Variants in RPTOR observed in about 807,000 individuals in gnomAD.
RPTOR encodes the protein regulatory associated protein of MTOR complex 1.
RPTOR carries 21 observed loss-of-function variants against 169.9 expected under a neutral mutation model. The observed-to-expected ratio is 0.12, with a 90% CI of 0.09 to 0.18. The LOEUF is 0.18. RPTOR is among the 10% of genes least tolerant of loss of function. The pLI is 1.00. For missense variants in RPTOR, 1,133 were observed against 1,855.9 expected (o/e 0.61, Z 7.16); for synonymous variants, 732 against 753.2 (o/e 0.97, Z 0.46).
intron 7 of RPTOR, among the ~76,000 whole-genome samples, chr17:80,808,913 G>T (rs567882617): frequency 4.2e-4 from 64 of 152,300 alleles, no homozygotes; most frequent in African/African-American, 1.4e-3. Context: ...TGTTTCACCT[G>T]TTGATGCGCG....
chr17:80,922,585 T>C (rs951759392), intron 21 of RPTOR, 139 bp from the exon 22 acceptor site: 9 of 706,008 alleles, frequency 1.3e-5, no homozygotes, highest in African/African-American at 1.3e-4. Flanking sequence ...GCTGGGGCCT[T>C]CCATTGGTGT....
Position 80,601,559 on chromosome 17 carries a change from T to TC in RPTOR, c.163-24132_163-24131insC, listed in dbSNP as rs1175399250. ...TGTTGGTGAAGATGGTTCAGTCTTT[T>TC]TTTTTTTTTTTTTAAATTTATTTTT... On this transcript the variant is annotated intron_variant, in intron 1 of 33. Transcript: ENST00000306801. Among the ~76,000 whole-genome samples, 273 of 55,592 alleles carry TC rather than the reference T, an allele frequency of 4.9e-3. 5 individuals carry two copies. The highest frequency in any genetic ancestry group is 7.2e-3 in the African/African-American group (75 of 10,440). The allele number at this position is 55,592 out of a possible 152,430, so 36.5% of individuals were successfully genotyped here. A position where few individuals can be genotyped will look rare whatever the true frequency, so the allele number is the denominator to read the frequency against.
At chr17:80,962,071 C>T (rs555572219) in intron 31 of RPTOR, among the ~76,000 whole-genome samples, 1 of 152,342 alleles carries the variant, frequency 6.6e-6, no homozygotes, top group South Asian at 2.1e-4. Flanking sequence ...CTCTCTCGGG[C>T]CACAGCCTGC....
At chr17:80,694,313 C>T (rs1018601184) in intron 3 of RPTOR, among the ~76,000 whole-genome samples, 14 of 152,150 alleles carry the variant, frequency 9.2e-5, no homozygotes, top group Non-Finnish European at 7.3e-5. Flanking sequence ...GCATGGCCCT[C>T]GCAGATGGCT....
intron 6 of RPTOR, among the ~76,000 whole-genome samples, chr17:80,782,039 T>C (rs1164210292): frequency 6.6e-6 from 1 of 152,256 alleles, no homozygotes; most frequent in Admixed American, 6.5e-5. Flanking sequence ...TTAAATGATC[T>C]GCGCGAGGCG....
At chr17:80,883,346 A>T in intron 14 of RPTOR, 73 bp from the exon 15 acceptor site, 1 of 1,329,670 alleles carries the variant, frequency 7.5e-7, no homozygotes, top group Non-Finnish European at 1.1e-6. Flanking sequence ...TTCCGAAAGG[A>T]TCACGCTGTT....
chr17:80,592,356 C>A (rs2065113793), intron 1 of RPTOR, among the ~76,000 whole-genome samples: 2 of 152,074 alleles, frequency 1.3e-5, no homozygotes, highest in South Asian at 4.1e-4. Flanking sequence ...ATTTAAGAGA[C>A]TAGAGTAAGG....
At chr17:80,667,588 TG>T (rs1222976073) in intron 3 of RPTOR, among the ~76,000 whole-genome samples, 2 of 152,236 alleles carry the variant, frequency 1.3e-5, no homozygotes, top group African/African-American at 4.8e-5. Context: ...AAGATGTCAG[TG>T]GAAGTCATAG....
intron 1 of RPTOR, among the ~76,000 whole-genome samples, chr17:80,576,398 C>T (rs2064963818): frequency 6.6e-6 from 1 of 152,116 alleles, no homozygotes. Flanking sequence ...TCCGTCATGA[C>T]CTTTATTCTT....
chr17:80,744,484 C>CT, intron 5 of RPTOR, among the ~76,000 whole-genome samples: 1 of 95,812 alleles, frequency 1.0e-5, no homozygotes, highest in Non-Finnish European at 2.2e-5. Flanking sequence ...GTTACTAGCA[C>CT]AGCCCTGGCT....
rs187007715 is a variant in RPTOR, at chr17:80,915,140, A to T, written c.2520+6211A>T. Among the ~76,000 whole-genome samples the T allele has an allele frequency of 1.6e-3, 236 of 151,842 alleles. 2 individuals are homozygous for T. Among genetic ancestry groups the T allele is most frequent in the Middle Eastern group, 0.01 (3 of 294 alleles). On this transcript the variant is annotated intron_variant, in intron 21 of 33. Coordinates refer to ENST00000306801, the MANE Select transcript of RPTOR (RefSeq NM_020761.3). ...AACCAGCTGCAGAGAGGAGCTGCAC[A>T]CTCCAGGGTCTCCTCTCTGCTGAGA...
chr17:80,621,056 T>C (rs2065350314), intron 1 of RPTOR, among the ~76,000 whole-genome samples: 1 of 152,256 alleles, frequency 6.6e-6, no homozygotes, highest in Non-Finnish European at 1.5e-5. Context: ...TTTCTTGTCT[T>C]CATTCTTGTC....
intron 11 of RPTOR, among the ~76,000 whole-genome samples, chr17:80,854,035 C>T (rs992590247): frequency 2.0e-5 from 3 of 151,714 alleles, no homozygotes; most frequent in African/African-American, 7.3e-5. Flanking sequence ...TGTGCAAAAC[C>T]TCTGGCAGAG....
In RPTOR at chr17:80,919,712, C is replaced by T. The variant is rs144292684; in HGVS notation, c.2521-3012C>T. Among the ~76,000 whole-genome samples, 484 of 152,304 alleles carry T rather than the reference C, an allele frequency of 3.2e-3. 3 individuals carry two copies. Among genetic ancestry groups the T allele is most frequent in the African/African-American group, 0.011 (466 of 41,548 alleles). Reference sequence around the variant, plus strand: ...AGGCGTGTTCATGTGCGCACTGGCCCAAGAGAGTGTCTGTGCTGAGCATTC... The same window carrying T: ...AGGCGTGTTCATGTGCGCACTGGCCTAAGAGAGTGTCTGTGCTGAGCATTC... On this transcript the variant is annotated intron_variant, in intron 21 of 33. Transcript: ENST00000306801.
At chr17:80,813,138 A>G (rs1353273639) in intron 7 of RPTOR, among the ~76,000 whole-genome samples, 1 of 152,232 alleles carries the variant, frequency 6.6e-6, no homozygotes, top group Non-Finnish European at 1.5e-5. Context: ...GCACGCTAAA[A>G]TGGACTTTAA....
chr17:80,948,530 G>A (rs1026880884), intron 27 of RPTOR: 1 of 152,540 alleles, frequency 6.6e-6, no homozygotes, highest in African/African-American at 2.4e-5. Flanking sequence ...TTCCTTGGCT[G>A]AGAGAGCGAG....
intron 3 of RPTOR, among the ~76,000 whole-genome samples, chr17:80,663,853 G>A (rs970970808): frequency 6.6e-6 from 1 of 151,990 alleles, no homozygotes; most frequent in Admixed American, 6.5e-5. Context: ...GCAGGTGTGT[G>A]CACAAGATGG....
chr17:80,962,646 C>G (rs2069359699), intron 32 of RPTOR, 69 bp downstream of exon 32: 2 of 1,394,332 alleles, frequency 1.4e-6, no homozygotes, highest in African/African-American at 2.8e-5. Context: ...ACGGGAGGCT[C>G]TTGTGTTCCT....
intron 13 of RPTOR, among the ~76,000 whole-genome samples, chr17:80,872,361 C>T (rs1316880311): frequency 6.6e-6 from 1 of 152,146 alleles, no homozygotes; most frequent in Non-Finnish European, 1.5e-5. Context: ...CAGATTCCAA[C>T]ACACCCTCAT....
Sources: allele counts gnomAD v4.1 joint callset (sites outside exome capture counted in the v4.1 genomes callset), GRCh38; gene constraint gnomAD v4.1.1; transcripts MANE v1.5; gene names NCBI Gene and HGNC (gene_info 2026-07-23, HGNC 2026-07-21).